ADGRG5: variants seen among roughly 807,000 people sequenced by gnomAD.
The protein encoded by ADGRG5 is adhesion G protein-coupled receptor G5.
A neutral mutation model predicts 53.2 loss-of-function variants in ADGRG5; 37 were observed. The ratio of observed to expected loss-of-function variants is 0.70; its 90% CI spans 0.53 to 0.91. ADGRG5 has a LOEUF of 0.91. Ranked by LOEUF, ADGRG5 falls within the 40% of genes least tolerant of loss-of-function variation. The probability of loss-of-function intolerance (pLI) is 0.00; values close to 1 mark genes in which losing one functional copy is unlikely to be tolerated. For synonymous variants in ADGRG5, 277 were observed against 290.4 expected, an observed-to-expected ratio of 0.95 and a Z score of 0.47; for missense variants, 614 against 675.8, an observed-to-expected ratio of 0.91 and a Z score of 1.01.
At chr16:57,544,878 C>A (rs1000134873) in intron 1 of ADGRG5, among the ~76,000 whole-genome samples, 16 of 152,206 alleles carry the variant, frequency 1.1e-4, no homozygotes, top group Non-Finnish European at 7.4e-5. Context: ...CTCAAGTAAT[C>A]CTCTCATCTC....
At chr16:57,559,944 C>T (rs540237653) in intron 1 of ADGRG5, among the ~76,000 whole-genome samples, 56 of 152,224 alleles carry the variant, frequency 3.7e-4, no homozygotes, top group African/African-American at 1.3e-3. Flanking sequence ...AGCGGCATTT[C>T]GTTTTCTTGT....
chr16:57,564,851 A>G (rs2033091208), intron 5 of ADGRG5, among the ~76,000 whole-genome samples, 183 bp from the exon 6 acceptor site: 1 of 151,708 alleles, frequency 6.6e-6, no homozygotes, highest in Non-Finnish European at 1.5e-5. Flanking sequence ...TCCACAGGGC[A>G]GAAACAGCAC....
At chr16:57,551,126 C>T (rs1362154566) in intron 1 of ADGRG5, among the ~76,000 whole-genome samples, 3 of 152,206 alleles carry the variant, frequency 2.0e-5, no homozygotes. Flanking sequence ...TTAAAGGACA[C>T]TTTATTGCTA....
chr16:57,564,046 A>T (rs1431637591), intron 5 of ADGRG5, 67 bp downstream of exon 5: 46 of 1,548,080 alleles, frequency 3.0e-5, no homozygotes, highest in Middle Eastern at 3.4e-4. Context: ...GCAGGTGCCC[A>T]TGTCACTGCC....
intron 7 of ADGRG5, among the ~76,000 whole-genome samples, 153 bp from the exon 8 acceptor site, chr16:57,567,317 C>G (rs1046552842): frequency 6.6e-6 from 1 of 152,146 alleles, no homozygotes; most frequent in Non-Finnish European, 1.5e-5. Flanking sequence ...GCAAAACTGA[C>G]TGTATCTGCC....
upstream of ADGRG5, among the ~76,000 whole-genome samples, chr16:57,538,812 T>C (rs920684674): frequency 3.9e-5 from 6 of 152,230 alleles, no homozygotes; most frequent in African/African-American, 9.6e-5. Flanking sequence ...CACATGCCCT[T>C]ATTTACCTAG....
intron 1 of ADGRG5, among the ~76,000 whole-genome samples, chr16:57,557,261 C>G (rs918364739): frequency 1.3e-5 from 2 of 152,166 alleles, no homozygotes; most frequent in South Asian, 4.1e-4. Flanking sequence ...TTTAGAATGA[C>G]AGATTTTTAT....
intron 7 of ADGRG5, 61 bp from the exon 8 acceptor site, chr16:57,567,409 T>C: frequency 6.3e-7 from 1 of 1,581,072 alleles, no homozygotes. Flanking sequence ...TCCCTCTGAC[T>C]GAGGCTGGGA....
upstream of ADGRG5, among the ~76,000 whole-genome samples, chr16:57,540,224 A>G (rs2032470944): frequency 6.6e-6 from 1 of 152,192 alleles, no homozygotes; most frequent in Admixed American, 6.5e-5. Context: ...GCCTGGCGAC[A>G]GAGTGAGGCT....
At chr16:57,531,805 C>T in the ADGRG5 span, among the ~76,000 whole-genome samples, 2 of 152,222 alleles carry the variant, frequency 1.3e-5, no homozygotes, top group African/African-American at 2.4e-5. Flanking sequence ...CCCTCCTGTT[C>T]TGGCTTCTCC....
At chr16:57,554,407 T>C (rs958190497) in intron 1 of ADGRG5, among the ~76,000 whole-genome samples, 1 of 151,894 alleles carries the variant, frequency 6.6e-6, no homozygotes, top group African/African-American at 2.4e-5. Flanking sequence ...GACGGAGTCT[T>C]GCTCTGTTGC....
intron 10 of ADGRG5, among the ~76,000 whole-genome samples, chr16:57,571,672 T>TTTA (rs2033364691): frequency 6.6e-6 from 1 of 150,660 alleles, no homozygotes. Context: ...TTTTTTTTTT[T>TTTA]GAGATGGAGT....
chr16:57,563,737 TG>T, intron 4 of ADGRG5, 110 bp from the exon 5 acceptor site: 6 of 1,384,884 alleles, frequency 4.3e-6, no homozygotes, highest in Non-Finnish European at 6.1e-6. Context: ...GAGAAGGTTC[TG>T]TGGGTGGAAA....
chr16:57,567,482 G>T lies in ADGRG5; in HGVS notation c.712G>T (p.Ala238Ser). Residue 238 changes from alanine (A) to serine (S), a missense_variant, in exon 8 of 12, where the codon GCC becomes TCC. Physicochemically the swap from Ala to Ser is moderately conservative, Grantham distance 99. Transcript: ENST00000349457. ...YFAVLMQLSPALVPAELLAPL... is the reference protein window; with the variant it reads ...YFAVLMQLSPSLVPAELLAPL... ...TTCCCTCCTGCAGCAACTCTCCCCA[G>T]CCCTGGTCCCTGCAGAGTTGCTGGC... is the stretch of plus-strand genomic sequence containing the variant. 6.2e-7 allele frequency: 1 copy of T among 1,609,270 alleles called. No homozygotes were observed. Among genetic ancestry groups the T allele is most frequent in the Non-Finnish European group, 8.5e-7 (1 of 1,179,896 alleles).
At chr16:57,530,486 G>A in the ADGRG5 span, among the ~76,000 whole-genome samples, 1 of 152,126 alleles carries the variant, frequency 6.6e-6, no homozygotes, top group African/African-American at 2.4e-5. Context: ...GTGTACTGTC[G>A]GTGGGACTCG....
intron 1 of ADGRG5, among the ~76,000 whole-genome samples, chr16:57,545,942 C>T (rs910365769): frequency 6.6e-6 from 1 of 152,154 alleles, no homozygotes; most frequent in Non-Finnish European, 1.5e-5. Context: ...TCTCCTGGCT[C>T]AGCCTCCCGA....
intron 1 of ADGRG5, among the ~76,000 whole-genome samples, chr16:57,555,698 A>G (rs2032867774): frequency 6.6e-6 from 1 of 152,180 alleles, no homozygotes; most frequent in South Asian, 2.1e-4. Flanking sequence ...AGCATTATAT[A>G]ATCTTTATCC....
At chr16:57,570,042 C>T (rs1416616149) in intron 9 of ADGRG5, among the ~76,000 whole-genome samples, 2 of 152,190 alleles carry the variant, frequency 1.3e-5, no homozygotes, top group African/African-American at 4.8e-5. Context: ...CCACCATCAT[C>T]ACTTCCTCCA....
At chr16:57,570,802 C>T (rs144301046) in intron 10 of ADGRG5, among the ~76,000 whole-genome samples, 40 of 152,336 alleles carry the variant, frequency 2.6e-4, no homozygotes, top group Non-Finnish European at 3.8e-4. Context: ...CCGGGCCTCC[C>T]GCCTCCTCTG....
Sources: allele counts gnomAD v4.1 joint callset (sites outside exome capture counted in the v4.1 genomes callset), GRCh38; gene constraint gnomAD v4.1.1; transcripts MANE v1.5; gene names NCBI Gene and HGNC (gene_info 2026-07-23, HGNC 2026-07-21).